Variants in SH3RF3 observed in about 807,000 individuals in gnomAD.
The protein encoded by SH3RF3 is SH3 domain containing ring finger 3, also known as E3 ubiquitin-protein ligase SH3RF3.
SH3RF3 carries 29 observed loss-of-function variants against 66.3 expected under a neutral mutation model. That is an observed-to-expected ratio of 0.44 (90% confidence interval 0.33 to 0.60). The LOEUF is 0.60. SH3RF3 is among the 20% of genes least tolerant of loss of function. SH3RF3 has a pLI of 0.04. For synonymous variants in SH3RF3, 583 were observed against 532.0 expected (o/e 1.10, Z -1.32); for missense variants, 1,194 against 1,190.9 (o/e 1.00, Z -0.04).
intron 1 of SH3RF3, among the ~76,000 whole-genome samples, chr2:109,195,213 A>T (rs1383613648): frequency 3.6e-4 from 2 of 5,542 alleles, no homozygotes; most frequent in Non-Finnish European, 8.7e-4. Flanking sequence ...GAGTGATAGG[A>T]CTAGGACTAG....
At chr2:109,361,150 C>G (rs1683044437) in intron 2 of SH3RF3, among the ~76,000 whole-genome samples, 1 of 152,130 alleles carries the variant, frequency 6.6e-6, no homozygotes, top group Non-Finnish European at 1.5e-5. Context: ...GATGTTGAGC[C>G]AGCCTTGCAT....
intron 8 of SH3RF3, among the ~76,000 whole-genome samples, chr2:109,476,426 AG>A (rs1277574930): frequency 6.6e-6 from 1 of 152,208 alleles, no homozygotes; most frequent in Non-Finnish European, 1.5e-5. Flanking sequence ...GGGTAGCCCC[AG>A]GGGAGGTAGT....
At chr2:109,329,183 C>T (rs1164940888) in intron 1 of SH3RF3, among the ~76,000 whole-genome samples, 1 of 152,144 alleles carries the variant, frequency 6.6e-6, no homozygotes, top group African/African-American at 2.4e-5. Flanking sequence ...GTTTGGTGTT[C>T]CCTCTGTGCT....
At chr2:109,250,089 C>T (rs1170868908) in intron 1 of SH3RF3, among the ~76,000 whole-genome samples, 1 of 145,154 alleles carries the variant, frequency 6.9e-6, no homozygotes, top group African/African-American at 2.7e-5. Flanking sequence ...AGTAGGTGTT[C>T]CTTTTTTTTT....
intron 1 of SH3RF3, among the ~76,000 whole-genome samples, chr2:109,325,331 C>CTTTT (rs11298946): frequency 4.9e-3 from 326 of 66,268 alleles, no homozygotes; most frequent in East Asian, 8.3e-3. Context: ...TTCTTTCTTT[C>CTTTT]TTTTTTTTTT....
At chr2:109,218,738 T>G (rs1013953345) in intron 1 of SH3RF3, among the ~76,000 whole-genome samples, 2 of 152,194 alleles carry the variant, frequency 1.3e-5, no homozygotes, top group African/African-American at 4.8e-5. Context: ...GTTCTCTAAG[T>G]GAAAACAAAA....
intron 1 of SH3RF3, among the ~76,000 whole-genome samples, chr2:109,232,739 G>T (rs1679543128): frequency 6.6e-6 from 1 of 152,182 alleles, no homozygotes; most frequent in Admixed American, 6.5e-5. Context: ...GGAGCTCTAT[G>T]AGCTGTTTCT....
chr2:109,236,622 A>G lies in SH3RF3; in HGVS notation c.573+106509A>G, dbSNP rs557733394. On this transcript the variant is annotated intron_variant, in intron 1 of 9. Coordinates refer to ENST00000309415, the MANE Select transcript of SH3RF3 (RefSeq NM_001099289.3). ...GAGAAACAGGGACAGTACCATTAACATTACCACGAGAAGATGCTGCCCAAA... is the reference window on the plus strand; with the variant it reads ...GAGAAACAGGGACAGTACCATTAACGTTACCACGAGAAGATGCTGCCCAAA... Among the ~76,000 whole-genome samples the G allele has an allele frequency of 2.0e-5, 3 of 152,340 alleles. No homozygotes were observed. In the South Asian group the frequency reaches 6.2e-4, roughly 32 times the overall value.
chr2:109,406,660 G>C (rs1676460314), intron 4 of SH3RF3, among the ~76,000 whole-genome samples: 1 of 152,154 alleles, frequency 6.6e-6, no homozygotes. Flanking sequence ...GGCCATAACA[G>C]AGATATTGAG....
intron 2 of SH3RF3, among the ~76,000 whole-genome samples, chr2:109,348,954 C>T (rs922868419): frequency 1.3e-5 from 2 of 152,144 alleles, no homozygotes; most frequent in African/African-American, 4.8e-5. Flanking sequence ...TTTTAGATGC[C>T]CAGAAGTTGT....
At chr2:109,184,816 C>T in intron 1 of SH3RF3, among the ~76,000 whole-genome samples, 1 of 152,162 alleles carries the variant, frequency 6.6e-6, no homozygotes, top group East Asian at 1.9e-4. Flanking sequence ...TTGCCAAGCC[C>T]AATGAGGCAG....
chr2:109,418,829 G>A (rs570062036), intron 4 of SH3RF3, among the ~76,000 whole-genome samples: 48 of 152,244 alleles, frequency 3.2e-4, no homozygotes, highest in African/African-American at 9.9e-4. Flanking sequence ...AAGCTGGGTC[G>A]TAGGGGGACC....
intron 1 of SH3RF3, among the ~76,000 whole-genome samples, chr2:109,199,633 G>GAACCC (rs1574499909): frequency 0.019 from 1 of 54 alleles, no homozygotes; most frequent in Non-Finnish European, 0.033. Flanking sequence ...GGAATGGAAT[G>GAACCC]GAATGGAATG....
chr2:109,435,178 G>A (rs913377951), intron 6 of SH3RF3, among the ~76,000 whole-genome samples: 8 of 152,198 alleles, frequency 5.3e-5, no homozygotes, highest in Non-Finnish European at 1.2e-4. Context: ...AACTGCGCCC[G>A]GGTCGGCTGC....
chr2:109,349,687 C>T (rs947269066), intron 2 of SH3RF3, among the ~76,000 whole-genome samples: 5 of 152,242 alleles, frequency 3.3e-5, no homozygotes, highest in Non-Finnish European at 7.3e-5. Flanking sequence ...CTCCAGGGGC[C>T]TCACAGGAGG....
chr2:109,446,495 G>T (rs1677709314), intron 7 of SH3RF3, among the ~76,000 whole-genome samples: 1 of 152,224 alleles, frequency 6.6e-6, no homozygotes, highest in Non-Finnish European at 1.5e-5. Context: ...GAAAGCTGGA[G>T]CTAGAGCAGG....
chr2:109,198,220 A>G (rs1678552608), intron 1 of SH3RF3, among the ~76,000 whole-genome samples: 1 of 152,160 alleles, frequency 6.6e-6, no homozygotes, highest in South Asian at 2.1e-4. Context: ...TAGGTTGTAA[A>G]TCGAAGCAAA....
At chr2:109,178,348 T>C (rs1164686121) in intron 1 of SH3RF3, among the ~76,000 whole-genome samples, 6 of 152,248 alleles carry the variant, frequency 3.9e-5, no homozygotes, top group Non-Finnish European at 8.8e-5. Context: ...TGAATAATAC[T>C]GCTTCTGCTA....
rs189504811 is a variant in SH3RF3 at position 109,257,706 on chromosome 2, G to T, written c.574-89968G>T. On this transcript the variant is annotated intron_variant, in intron 1 of 9. Coordinates refer to ENST00000309415, the MANE Select transcript of SH3RF3 (RefSeq NM_001099289.3). ...ACACGTTCATTACCTGTTTCCTGAA[G>T]TAGACAGTTAGAGCTCCCTGTCTCA... Among the ~76,000 whole-genome samples the T allele has an allele frequency of 7.5e-3, 1,136 of 152,280 alleles. 8 individuals carry two copies. The highest frequency in any genetic ancestry group is 0.024 in the South Asian group (114 of 4,818).
Sources: gnomAD v4.1 joint callset for allele counts (sites outside exome capture counted in the v4.1 genomes callset) on GRCh38, gnomAD v4.1.1 for gene constraint, MANE v1.5 for transcripts, NCBI Gene and HGNC (gene_info 2026-07-23, HGNC 2026-07-21) for gene names.